TSPAN15: variants seen among roughly 807,000 people sequenced by gnomAD.
TSPAN15 encodes tetraspanin 15, also known as tetraspanin-15.
TSPAN15 carries 20 observed loss-of-function variants against 34.5 expected under a neutral mutation model. The observed-to-expected ratio is 0.58, with a 90% CI of 0.41 to 0.84. The LOEUF is 0.84. Ranked by LOEUF, TSPAN15 falls within the 40% of genes least tolerant of loss-of-function variation. TSPAN15 has a pLI of 0.00. For synonymous variants in TSPAN15, 155 were observed against 153.9 expected (o/e 1.01, Z -0.05); for missense variants, 313 against 386.1 (o/e 0.81, Z 1.59).
intron 1 of TSPAN15, among the ~76,000 whole-genome samples, chr10:69,452,916 A>G (rs568826209): frequency 8.7e-4 from 132 of 152,306 alleles, no homozygotes; most frequent in African/African-American, 2.9e-3. Context: ...TGGATTTGCC[A>G]TCAGGACTGG....
chr10:69,517,076 AG>A, the TSPAN15 span, among the ~76,000 whole-genome samples: 1 of 152,158 alleles, frequency 6.6e-6, no homozygotes, highest in Non-Finnish European at 1.5e-5. Flanking sequence ...CCTCTCCAGA[AG>A]GGGCATCTAA....
At chr10:69,492,342 C>T (rs796530696) in intron 3 of TSPAN15, among the ~76,000 whole-genome samples, 4 of 152,308 alleles carry the variant, frequency 2.6e-5, no homozygotes, top group African/African-American at 9.6e-5. Flanking sequence ...GGGATCTTCT[C>T]ACACACACCC....
rs1842341304 is a variant in TSPAN15, at chr10:69,506,939, G to A, written c.846G>A (p.Glu282=). The A allele has an allele frequency of 6.2e-7, 1 of 1,610,160 alleles. No homozygotes were observed. The highest frequency in any genetic ancestry group is 1.7e-5 in the Admixed American group (1 of 59,528). Residue 282 remains glutamate (E), a synonymous_variant, in exon 8 of 8, where the codon GAG becomes GAA. Transcript: ENST00000373290. This position sits in a 1 kb window ranked among gnomAD's most constrained non-coding sequence, Gnocchi z 4.7. ...GGCCCGGTGCCAAGCCCAGCGTGGA[G>A]GCGGCAGGCACGGGATGCTGCTTGT... is the stretch of plus-strand genomic sequence containing the variant. ...LLGPGAKPSV[E]AAGTGCCLCY...
At chr10:69,464,916 T>C (rs1259532957) in intron 1 of TSPAN15, among the ~76,000 whole-genome samples, 2 of 152,218 alleles carry the variant, frequency 1.3e-5, no homozygotes, top group Non-Finnish European at 2.9e-5. Context: ...GCCTGACTTA[T>C]GACTTCTCAC....
intron 1 of TSPAN15, among the ~76,000 whole-genome samples, chr10:69,471,448 G>T (rs1042361663): frequency 1.3e-5 from 2 of 152,138 alleles, no homozygotes; most frequent in African/African-American, 4.8e-5. Flanking sequence ...TTACAAACAT[G>T]CAGAGCCCAC....
chr10:69,539,500 A>G, the TSPAN15 span, among the ~76,000 whole-genome samples: 719 of 77,450 alleles, frequency 9.3e-3, 12 homozygotes, highest in African/African-American at 0.018. Context: ...GAAGAAGAAG[A>G]AGAAGAAGAA....
the TSPAN15 span, among the ~76,000 whole-genome samples, chr10:69,513,250 T>C: frequency 2.6e-5 from 4 of 152,242 alleles, no homozygotes; most frequent in Admixed American, 1.3e-4. Flanking sequence ...TTTGAAATAT[T>C]TTCTTAAAAA....
chr10:69,461,887 A>C (rs1841266194), intron 1 of TSPAN15, among the ~76,000 whole-genome samples: 1 of 151,694 alleles, frequency 6.6e-6, no homozygotes, highest in Non-Finnish European at 1.5e-5. Flanking sequence ...CCCTGGGAGG[A>C]TTTCACAAGA....
At chr10:69,468,027 G>T (rs1159316586) in intron 1 of TSPAN15, among the ~76,000 whole-genome samples, 3 of 152,150 alleles carry the variant, frequency 2.0e-5, no homozygotes. Context: ...GGGCCAGCTG[G>T]TTCCTTTTGT....
chr10:69,505,456 C>T (rs537511724), intron 6 of TSPAN15, among the ~76,000 whole-genome samples: 30 of 152,246 alleles, frequency 2.0e-4, no homozygotes, highest in African/African-American at 4.3e-4. Flanking sequence ...TTTTTAAAAA[C>T]GGTGAACAAT....
At chr10:69,548,708 G>A in the TSPAN15 span, among the ~76,000 whole-genome samples, 8 of 148,966 alleles carry the variant, frequency 5.4e-5, no homozygotes, top group Non-Finnish European at 1.2e-4. Flanking sequence ...TCAGAAACAT[G>A]CATAGAGCTC....
the TSPAN15 span, among the ~76,000 whole-genome samples, chr10:69,546,295 G>GT: frequency 6.6e-6 from 1 of 152,202 alleles, no homozygotes; most frequent in Non-Finnish European, 1.5e-5. Context: ...ACTCTCTGGA[G>GT]TAGTGCAGTT....
At chr10:69,537,660 CAT>C in the TSPAN15 span, among the ~76,000 whole-genome samples, 1 of 152,204 alleles carries the variant, frequency 6.6e-6, no homozygotes, top group Non-Finnish European at 1.5e-5. Flanking sequence ...CATCCTAACT[CAT>C]TACATCTACA....
At chr10:69,548,179 C>T in the TSPAN15 span, among the ~76,000 whole-genome samples, 82 of 152,244 alleles carry the variant, frequency 5.4e-4, 1 homozygote, top group Non-Finnish European at 1.0e-3. Context: ...CAGACAAACA[C>T]AAAAAATGCC....
rs1035319351 is a variant in TSPAN15, at chr10:69,451,482, C to A, written c.-113C>A. On this transcript the variant is annotated 5_prime_UTR_variant, in exon 1 of 8. Transcript: ENST00000373290. ...GCTCCAGTGTCAGTCCCGGAGAGAA[C>A]GCCGGTGGCGGGGCTGGTAGCCCGG... is the stretch of plus-strand genomic sequence containing the variant. The A allele has an allele frequency of 7.8e-7, 1 of 1,289,536 alleles. No individual in the cohort carries two copies. The highest frequency in any genetic ancestry group is 4.1e-5 in the Admixed American group (1 of 24,502). The allele number at this position is 1,289,536 out of a possible 1,614,324, so 79.9% of individuals were successfully genotyped here.
intron 4 of TSPAN15, 106 bp downstream of exon 4, chr10:69,495,795 C>T (rs1842068084): frequency 1.3e-6 from 1 of 794,438 alleles, no homozygotes; most frequent in African/African-American, 1.7e-5. Context: ...CTTATCCATT[C>T]CCAAAGCAGG....
At chr10:69,518,197 T>C in the TSPAN15 span, among the ~76,000 whole-genome samples, 1 of 152,124 alleles carries the variant, frequency 6.6e-6, no homozygotes, top group East Asian at 1.9e-4. Context: ...GAATAGCAGA[T>C]CTGAAAATGT....
At chr10:69,546,572 TG>T in the TSPAN15 span, among the ~76,000 whole-genome samples, 8 of 152,268 alleles carry the variant, frequency 5.3e-5, no homozygotes, top group African/African-American at 1.9e-4. Flanking sequence ...TGGAAACTCT[TG>T]GGTTCTCATT....
chr10:69,511,678 T>C (rs572942374), downstream of TSPAN15, among the ~76,000 whole-genome samples: 5 of 152,342 alleles, frequency 3.3e-5, no homozygotes, highest in East Asian at 9.6e-4. Flanking sequence ...GTATCAATTT[T>C]AGATCTTTCC....
Sources: gnomAD v4.1 joint callset for allele counts (sites outside exome capture counted in the v4.1 genomes callset) on GRCh38, gnomAD v4.1.1 for gene constraint, Gnocchi (gnomAD v3.1) non-coding constraint, MANE v1.5 for transcripts, NCBI Gene and HGNC (gene_info 2026-07-23, HGNC 2026-07-21) for gene names.